The following NEMP2 variants were observed in gnomAD, a reference collection of about 807,000 sequenced individuals.
NEMP2 encodes UPF0571 transmembrane protein.
A neutral mutation model predicts 54.2 loss-of-function variants in NEMP2; 53 were observed. The observed-to-expected ratio is 0.98, with a 90% CI of 0.78 to 1.23. NEMP2 has a LOEUF of 1.23. Ranked by LOEUF, NEMP2 falls within the 50% of genes most tolerant of loss-of-function variation. The pLI is 0.00. For missense variants in NEMP2, 455 were observed against 511.3 expected (o/e 0.89, Z 1.06); for synonymous variants, 197 against 190.3 (o/e 1.04, Z -0.29).
rs1574289144 is a variant in NEMP2 at position 190,510,396 on chromosome 2, T to C, written c.1095A>G (p.Ser365=). ...TGTGGAGTCTGGAGACGACCAGCCA[T>C]GAGGGAAAGTCGGGTTTTCGGCAGG... ...RRACRKPDFP[S]WLVVSRLHTP... The change falls in exon 8 of 9, where the codon TCA becomes TCG. Residue 365 remains serine, a synonymous_variant. Coordinates refer to ENST00000409150, the MANE Select transcript of NEMP2 (RefSeq NM_001142645.2). This position sits in a 1 kb window ranked among gnomAD's most constrained non-coding sequence, Gnocchi z 5.7. 1 of 1,551,628 alleles carries C rather than the reference T, an allele frequency of 6.4e-7. No individual in the cohort carries two copies. Among genetic ancestry groups the C allele is most frequent in the Non-Finnish European group, 8.7e-7 (1 of 1,146,978 alleles).
the NEMP2 span, among the ~76,000 whole-genome samples, chr2:190,575,894 A>C: frequency 6.6e-6 from 1 of 152,130 alleles, no homozygotes; most frequent in African/African-American, 2.4e-5. Context: ...AAAAAAAGAA[A>C]TGAATGGTTA....
Position 190,507,278 on chromosome 2 carries a change from G to A in NEMP2, c.*1911C>T, listed in dbSNP as rs1329237405. On this transcript the variant is annotated 3_prime_UTR_variant, in exon 9 of 9. Coordinates refer to ENST00000409150, the MANE Select transcript of NEMP2 (RefSeq NM_001142645.2). This position sits in a 1 kb window ranked among gnomAD's most constrained non-coding sequence, Gnocchi z 4.4. ...CTCTTTGGCTGTTTTTACTGTGATG[G>A]TTACACCTGGCTAGCTGCCCATGAA... 1 of 152,088 alleles carries A rather than the reference G, an allele frequency of 6.6e-6. No homozygotes were observed. Among genetic ancestry groups the A allele is most frequent in the African/African-American group, 2.4e-5 (1 of 41,408 alleles). The allele number at this position is 152,088 out of a possible 1,614,324, so 9.4% of individuals were successfully genotyped here.
rs1467363649 is a variant in NEMP2 at position 190,519,759 on chromosome 2, C to A, written c.214-576G>T. Among the ~76,000 whole-genome samples the A allele has an allele frequency of 1.3e-5, 2 of 152,096 alleles. No individual in the cohort carries two copies. The highest frequency in any genetic ancestry group is 2.9e-5 in the Non-Finnish European group (2 of 68,022). ...CCCTCTTCTAGCAAGTTATTGTGGC[C>A]AAGAGACATTAAAAAGGATAAGAAG... On this transcript the variant is annotated intron_variant, in intron 2 of 8. Transcript: ENST00000409150. This position sits in a 1 kb window ranked among gnomAD's most constrained non-coding sequence, Gnocchi z 5.4.
the NEMP2 span, chr2:190,463,819 CAAAAAT>C: frequency 1.1e-6 from 1 of 933,962 alleles, no homozygotes; most frequent in African/African-American, 1.8e-5. This position sits in a 1 kb window ranked among gnomAD's most constrained non-coding sequence, Gnocchi z 4.4. Context: ...GACCCTGTCT[CAAAAAT>C]AAATAAATAA....
rs1185379334 is a variant in NEMP2 at position 190,533,131 on chromosome 2, AT to A, written c.97+1427del. ...GAAACTCTTCAGTAAAAACATCTTC[AT>A]TTTACTCAAGAGAAAACTACGGTCC... is the stretch of plus-strand genomic sequence containing the variant. On this transcript the variant is annotated intron_variant, in intron 1 of 8. Coordinates refer to ENST00000409150, the MANE Select transcript of NEMP2 (RefSeq NM_001142645.2). This position sits in a 1 kb window ranked among gnomAD's most constrained non-coding sequence, Gnocchi z 4.3. Among the ~76,000 whole-genome samples the A allele has an allele frequency of 6.6e-5, 10 of 152,164 alleles. No individual in the cohort carries two copies. Among genetic ancestry groups the A allele is most frequent in the Non-Finnish European group, 1.2e-4 (8 of 68,026 alleles).
chr2:190,642,192 T>C, the NEMP2 span, among the ~76,000 whole-genome samples: 1 of 152,228 alleles, frequency 6.6e-6, no homozygotes, highest in South Asian at 2.1e-4. The surrounding 1 kb of genome is among the most constrained non-coding windows in gnomAD (Gnocchi z 4.1). Context: ...CCTGGGAACC[T>C]AACCATCTCG....
At chr2:190,583,296 T>C in the NEMP2 span, among the ~76,000 whole-genome samples, 1 of 152,044 alleles carries the variant, frequency 6.6e-6, no homozygotes, top group South Asian at 2.1e-4. Flanking sequence ...AGATTGTTCT[T>C]TCATTTTGAG....
chr2:190,477,212 A>G, the NEMP2 span: 2 of 958,826 alleles, frequency 2.1e-6, no homozygotes, highest in Non-Finnish European at 1.2e-6. Context: ...AATAATAATA[A>G]TAACAATGCA....
the NEMP2 span, among the ~76,000 whole-genome samples, chr2:190,440,507 A>G: frequency 6.6e-6 from 1 of 152,270 alleles, no homozygotes; most frequent in Non-Finnish European, 1.5e-5. Context: ...TTAACAGGAT[A>G]TAAATGTATC....
the NEMP2 span, among the ~76,000 whole-genome samples, chr2:190,557,547 T>C: frequency 0.17 from 25,382 of 151,964 alleles, 2,286 homozygotes; most frequent in Middle Eastern, 0.22. Flanking sequence ...ACATACAAAA[T>C]GGGAGACAAT....
At chr2:190,627,223 A>C in the NEMP2 span, among the ~76,000 whole-genome samples, 1 of 152,254 alleles carries the variant, frequency 6.6e-6, no homozygotes, top group Non-Finnish European at 1.5e-5. This position sits in a 1 kb window ranked among gnomAD's most constrained non-coding sequence, Gnocchi z 4.4. Flanking sequence ...GCTCAACAAC[A>C]GTTTTTGAAT....
chr2:190,568,770 C>T, the NEMP2 span, among the ~76,000 whole-genome samples: 7 of 152,098 alleles, frequency 4.6e-5, no homozygotes, highest in East Asian at 1.2e-3. This position sits in a 1 kb window ranked among gnomAD's most constrained non-coding sequence, Gnocchi z 4.7. Flanking sequence ...TGCTGTGAGC[C>T]GAGATTGCGC....
chr2:190,465,269 G>A, the NEMP2 span, among the ~76,000 whole-genome samples: 2 of 152,108 alleles, frequency 1.3e-5, no homozygotes, highest in Non-Finnish European at 2.9e-5. This position sits in a 1 kb window ranked among gnomAD's most constrained non-coding sequence, Gnocchi z 4.6. Context: ...CCTCTTTATA[G>A]ATAACTTCAG....
the NEMP2 span, among the ~76,000 whole-genome samples, chr2:190,646,397 C>T: frequency 6.6e-6 from 1 of 152,116 alleles, no homozygotes; most frequent in South Asian, 2.1e-4. Context: ...GCATGAGTGA[C>T]AAAACCTGGT....
the NEMP2 span, among the ~76,000 whole-genome samples, chr2:190,447,891 T>G: frequency 3.3e-5 from 5 of 152,214 alleles, no homozygotes; most frequent in Non-Finnish European, 7.3e-5. The surrounding 1 kb of genome is among the most constrained non-coding windows in gnomAD (Gnocchi z 4.5). Flanking sequence ...TATCTTACCA[T>G]GTAATATAGC....
chr2:190,424,793 A>G, the NEMP2 span, among the ~76,000 whole-genome samples: 1 of 152,136 alleles, frequency 6.6e-6, no homozygotes, highest in Non-Finnish European at 1.5e-5. The surrounding 1 kb of genome is among the most constrained non-coding windows in gnomAD (Gnocchi z 5.9). Context: ...ACATTGATCT[A>G]TGTGTCTGTC....
At chr2:190,601,439 T>C in the NEMP2 span, among the ~76,000 whole-genome samples, 1 of 152,168 alleles carries the variant, frequency 6.6e-6, no homozygotes, top group Non-Finnish European at 1.5e-5. This position sits in a 1 kb window ranked among gnomAD's most constrained non-coding sequence, Gnocchi z 5.8. Flanking sequence ...TGTGTAACAA[T>C]GTGGCAATGG....
At chr2:190,515,441 T>A (rs1690518972) in intron 6 of NEMP2, among the ~76,000 whole-genome samples, 1 of 152,154 alleles carries the variant, frequency 6.6e-6, no homozygotes, top group Admixed American at 6.5e-5. Flanking sequence ...CATATCCTAG[T>A]TTATATAAGC....
intron 4 of NEMP2, among the ~76,000 whole-genome samples, chr2:190,518,505 G>A (rs1690641016): frequency 6.6e-6 from 1 of 152,148 alleles, no homozygotes; most frequent in African/African-American, 2.4e-5. Flanking sequence ...CTAATAAAAT[G>A]TTAATACATA....
Sources: gnomAD v4.1 joint callset for allele counts (sites outside exome capture counted in the v4.1 genomes callset) on GRCh38, gnomAD v4.1.1 for gene constraint, Gnocchi (gnomAD v3.1) non-coding constraint, MANE v1.5 for transcripts, NCBI Gene and HGNC (gene_info 2026-07-23, HGNC 2026-07-21) for gene names.